The following COL23A1 variants were observed in gnomAD, a reference collection of about 807,000 sequenced individuals.
COL23A1 encodes collagen alpha-1(XXIII) chain.
In COL23A1, 97 loss-of-function variants were observed where a neutral mutation model predicts 99.3. The observed-to-expected ratio is 0.98, with a 90% CI of 0.83 to 1.16. The LOEUF (loss-of-function observed/expected upper bound fraction) is 1.16, where lower values mean the gene tolerates loss of function less well. COL23A1 is among the 50% of genes most tolerant of loss of function. The probability of loss-of-function intolerance (pLI) is 0.00; values close to 1 mark genes in which losing one functional copy is unlikely to be tolerated. For missense variants in COL23A1, 762 were observed against 757.4 expected, an observed-to-expected ratio of 1.01 and a Z score of -0.07; for synonymous variants, 320 against 308.2, an observed-to-expected ratio of 1.04 and a Z score of -0.40.
chr5:178,333,478 C>A (rs1760150385), intron 2 of COL23A1, among the ~76,000 whole-genome samples: 9 of 152,168 alleles, frequency 5.9e-5, no homozygotes, highest in Admixed American at 5.2e-4. Context: ...CTTATCCAGG[C>A]TGCCTCCCCA....
At chr5:178,333,256 G>A (rs754970649) in intron 2 of COL23A1, among the ~76,000 whole-genome samples, 43 of 152,226 alleles carry the variant, frequency 2.8e-4, no homozygotes, top group African/African-American at 9.4e-4. Flanking sequence ...GCGCCCGGCC[G>A]ACTCATGTTT....
At chr5:178,400,780 G>C (rs998104275) in intron 2 of COL23A1, among the ~76,000 whole-genome samples, 6 of 152,046 alleles carry the variant, frequency 3.9e-5, no homozygotes, top group African/African-American at 1.4e-4. Context: ...TGGGATTACA[G>C]GCACCTGCCA....
rs1283660400 is a variant in COL23A1 at position 178,313,857 on chromosome 5, C to A, written c.362-6938G>T. Among the ~76,000 whole-genome samples the A allele has an allele frequency of 3.3e-5, 5 of 152,112 alleles. No homozygotes were observed. The highest frequency in any genetic ancestry group is 7.4e-5 in the Non-Finnish European group (5 of 68,018). On this transcript the variant is annotated intron_variant, in intron 2 of 28. Coordinates refer to ENST00000390654, the MANE Select transcript of COL23A1 (RefSeq NM_173465.4). This position sits in a 1 kb window ranked among gnomAD's most constrained non-coding sequence, Gnocchi z 4.2. ...GTGCACCTTGAGCAGAGAAGGCAAG[C>A]GAGGTCCCTGGAAAAGAGCTTCCGA...
intron 2 of COL23A1, among the ~76,000 whole-genome samples, chr5:178,509,394 T>C (rs1759072643): frequency 6.6e-6 from 1 of 152,078 alleles, no homozygotes; most frequent in South Asian, 2.1e-4. Context: ...CTAATTTTTT[T>C]GTATTTTTAG....
intron 2 of COL23A1, among the ~76,000 whole-genome samples, chr5:178,388,614 G>A (rs183595524): frequency 7.0e-4 from 107 of 152,242 alleles, no homozygotes; most frequent in South Asian, 2.1e-3. Flanking sequence ...TTCCTCCCCT[G>A]GTGATTTTGC....
intron 2 of COL23A1, among the ~76,000 whole-genome samples, chr5:178,437,551 C>T (rs1337765102): frequency 6.6e-6 from 1 of 152,152 alleles, no homozygotes; most frequent in African/African-American, 2.4e-5. Context: ...TGGGCCCCAG[C>T]CGCTATCTGC....
In COL23A1 at chr5:178,367,700, C is replaced by T. The variant is rs1581243511; in HGVS notation, c.362-60781G>A. ...TGCAGGCTGCCATCGTACAATGTGG[C>T]TCTCTTTTCTTTCTAGCATATCATC... On this transcript the variant is annotated intron_variant, in intron 2 of 28. Coordinates refer to ENST00000390654, the MANE Select transcript of COL23A1 (RefSeq NM_173465.4). 2.0e-5 allele frequency among the ~76,000 whole-genome samples: 3 copies of T among 152,216 alleles called. No homozygotes were observed. The East Asian group carries it at 5.8e-4, about 29-fold the overall frequency.
At chr5:178,314,204 C>T (rs544490838) in intron 2 of COL23A1, among the ~76,000 whole-genome samples, 3 of 137,750 alleles carry the variant, frequency 2.2e-5, no homozygotes, top group Non-Finnish European at 4.8e-5. Context: ...TCAACAAATA[C>T]AGTTCATTCC....
chr5:178,549,451 T>C (rs1416418681), intron 2 of COL23A1, among the ~76,000 whole-genome samples: 2 of 152,100 alleles, frequency 1.3e-5, no homozygotes, highest in African/African-American at 4.8e-5. Context: ...AGCTACCAAC[T>C]CAAGACATTT....
At chr5:178,562,736 T>TGGGGG (rs569933780) in intron 1 of COL23A1, 30 of 106,730 alleles carry the variant, frequency 2.8e-4, no homozygotes, top group Middle Eastern at 5.6e-3. Flanking sequence ...TGGCTGGTGG[T>TGGGGG]GGGGGGGGTG....
rs187351257 is a variant in COL23A1 at position 178,491,788 on chromosome 5, G to A, written c.361+68894C>T. ...CTCACTCTGTCACCCAGGCTGGAGT[G>A]CAGTGGTGCCATCTTGGCTCATAGC... On this transcript the variant is annotated intron_variant, in intron 2 of 28. Transcript: ENST00000390654. 2.8e-3 allele frequency among the ~76,000 whole-genome samples: 423 copies of A among 152,200 alleles called. 3 individuals carry two copies. Among genetic ancestry groups the A allele is most frequent in the African/African-American group, 9.9e-3 (410 of 41,508 alleles).
At chr5:178,266,397 G>T (rs559997231) in intron 8 of COL23A1, among the ~76,000 whole-genome samples, 4 of 152,044 alleles carry the variant, frequency 2.6e-5, no homozygotes, top group Non-Finnish European at 5.9e-5. Context: ...GTGTGTGTGT[G>T]TTGGGGGGTG....
Position 178,468,547 on chromosome 5 carries a change from G to GCC in COL23A1, c.361+92133_361+92134dup, listed in dbSNP as rs535156058. On this transcript the variant is annotated intron_variant, in intron 2 of 28. Transcript: ENST00000390654. The surrounding 1 kb of genome is among the most constrained non-coding windows in gnomAD (Gnocchi z 4.2). Reference sequence around the variant, plus strand: ...TCTGCTCACACCCAGGCCTCACCCGGCCCCGTCCCTCTGAGCTGACCTCAG... The same window carrying GCC: ...TCTGCTCACACCCAGGCCTCACCCGGCCCCCCGTCCCTCTGAGCTGACCTCAG... Among the ~76,000 whole-genome samples, 2 of 151,986 alleles carry GCC rather than the reference G, an allele frequency of 1.3e-5. No homozygotes were observed. The highest frequency in any genetic ancestry group is 1.3e-4 in the Admixed American group (2 of 15,268).
At position 178,283,343 on chromosome 5, in the gene COL23A1, G is replaced by A. The variant is rs148398332; in HGVS notation, c.441+4981C>T. ...CACTCCTGCCACACTGACCTTGAGT[G>A]TACCTGAACACACAAAGCTTGCTCC... On this transcript the variant is annotated intron_variant, in intron 5 of 28. Transcript: ENST00000390654. 4.3e-4 allele frequency among the ~76,000 whole-genome samples: 66 copies of A among 152,248 alleles called. 1 individual carries two copies. The highest frequency in any genetic ancestry group is 2.9e-3 in the Admixed American group (44 of 15,302).
intron 2 of COL23A1, among the ~76,000 whole-genome samples, chr5:178,463,643 C>G (rs777542023): frequency 6.6e-6 from 1 of 152,172 alleles, no homozygotes; most frequent in Admixed American, 6.5e-5. Flanking sequence ...GAACTCACTC[C>G]GTCACACAGC....
chr5:178,466,510 C>G (rs1023340064), intron 2 of COL23A1, among the ~76,000 whole-genome samples: 3 of 152,194 alleles, frequency 2.0e-5, no homozygotes, highest in Admixed American at 1.3e-4. Context: ...CCTGGCCTTA[C>G]TACTTTCCAG....
At chr5:178,534,826 C>A (rs1760845848) in intron 2 of COL23A1, among the ~76,000 whole-genome samples, 1 of 152,114 alleles carries the variant, frequency 6.6e-6, no homozygotes, top group Non-Finnish European at 1.5e-5. Flanking sequence ...ATGTGCACGA[C>A]CAGATTACAG....
chr5:178,502,814 G>A (rs931739924), intron 2 of COL23A1, among the ~76,000 whole-genome samples: 5 of 152,168 alleles, frequency 3.3e-5, no homozygotes, highest in African/African-American at 4.8e-5. Context: ...AGACGTTCCC[G>A]GCAGCACTGT....
chr5:178,369,677 T>C (rs1425671605), intron 2 of COL23A1, among the ~76,000 whole-genome samples: 1 of 152,150 alleles, frequency 6.6e-6, no homozygotes, highest in Admixed American at 6.5e-5. Flanking sequence ...CACGCTCCTC[T>C]CTCTTTGCTT....
Sources: allele counts gnomAD v4.1 joint callset (sites outside exome capture counted in the v4.1 genomes callset), GRCh38; gene constraint gnomAD v4.1.1; non-coding constraint Gnocchi (gnomAD v3.1); transcripts MANE v1.5; gene names NCBI Gene and HGNC (gene_info 2026-07-23, HGNC 2026-07-21).